LRIG1: variants seen among roughly 807,000 people sequenced by gnomAD.
The protein encoded by LRIG1 is leucine rich repeats and immunoglobulin like domains 1, also known as leucine-rich repeats and immunoglobulin-like domains protein 1.
LRIG1 carries 48 observed loss-of-function variants against 99.2 expected under a neutral mutation model. That is an observed-to-expected ratio of 0.48 (90% confidence interval 0.38 to 0.62). LRIG1 has a LOEUF of 0.62. Among genes scored for constraint, LRIG1 ranks in the 20% least tolerant of loss-of-function variants. The pLI is 0.00. For synonymous variants in LRIG1, 772 were observed against 596.1 expected (o/e 1.29, Z -4.30); for missense variants, 1,646 against 1,434.4 (o/e 1.15, Z -2.38).
At position 66,471,450 on chromosome 3, in the gene LRIG1, G is replaced by A. The variant is rs79642836; in HGVS notation, c.219-8941C>T. Among the ~76,000 whole-genome samples the A allele has an allele frequency of 8.5e-3, 1,294 of 152,280 alleles. 7 individuals carry two copies. Among genetic ancestry groups the A allele is most frequent in the African/African-American group, 0.03 (1,233 of 41,542 alleles). On this transcript the variant is annotated intron_variant, in intron 1 of 18. Coordinates refer to ENST00000273261, the MANE Select transcript of LRIG1 (RefSeq NM_015541.3). ...AGCCCAGTCATTCTGCAGAACAGAG[G>A]GGGGTTGGAACCTTGGAGCCAGGTG...
Position 66,414,354 on chromosome 3 carries a change from A to G in LRIG1, c.647+566T>C, listed in dbSNP as rs370718021. Among the ~76,000 whole-genome samples the G allele has an allele frequency of 6.9e-3, 1,045 of 152,160 alleles. 20 individuals carry two copies. Among genetic ancestry groups the G allele is most frequent in the South Asian group, 0.011 (55 of 4,824 alleles). The stretch of plus-strand genomic sequence containing the variant: ...GGAGCTTGCAGTGAGCTGAGATCAC[A>G]CCACTGCACCCCACCTGGGGGACAG... On this transcript the variant is annotated intron_variant, in intron 5 of 18. Transcript: ENST00000273261.
chr3:66,485,819 G>T (rs1203939915), intron 1 of LRIG1, among the ~76,000 whole-genome samples: 2 of 152,052 alleles, frequency 1.3e-5, no homozygotes, highest in Non-Finnish European at 2.9e-5. Flanking sequence ...TACCAACAAA[G>T]AAACACGCTC....
intron 4 of LRIG1, 111 bp downstream of exon 4, chr3:66,417,018 G>T: frequency 1.4e-6 from 2 of 1,431,268 alleles, no homozygotes; most frequent in Non-Finnish European, 9.6e-7. Context: ...CCCAGCCGTG[G>T]TTGAGAAGGG....
chr3:66,466,995 A>G (rs1205577894), intron 1 of LRIG1, among the ~76,000 whole-genome samples: 2 of 152,202 alleles, frequency 1.3e-5, no homozygotes, highest in Non-Finnish European at 2.9e-5. Context: ...TGAACAACTG[A>G]GCCCAGCAAT....
At chr3:66,460,938 G>C (rs1267339179) in intron 2 of LRIG1, among the ~76,000 whole-genome samples, 3 of 152,164 alleles carry the variant, frequency 2.0e-5, no homozygotes, top group Non-Finnish European at 4.4e-5. Flanking sequence ...TGAGGGTTTG[G>C]AATGCAAGTA....
At chr3:66,439,358 T>A (rs1236608420) in intron 3 of LRIG1, among the ~76,000 whole-genome samples, 1 of 152,224 alleles carries the variant, frequency 6.6e-6, no homozygotes, top group Non-Finnish European at 1.5e-5. Context: ...TGCAGAAAAG[T>A]CACATTCTAA....
At chr3:66,456,090 T>C (rs913799272) in intron 2 of LRIG1, among the ~76,000 whole-genome samples, 7 of 152,322 alleles carry the variant, frequency 4.6e-5, no homozygotes, top group African/African-American at 9.6e-5. Context: ...ATCAGACATA[T>C]CTTGGTTCAC....
rs758460443 is a variant in LRIG1, at chr3:66,406,452, C to A, written c.1079+896G>T. The A allele has an allele frequency of 2.8e-5, 28 of 983,064 alleles. 1 individual carries two copies. Among genetic ancestry groups the A allele is most frequent in the African/African-American group, 3.5e-5 (2 of 57,192 alleles). 60.9% of individuals were successfully genotyped at this position (983,064 alleles called of 1,614,324 possible). A position where few individuals can be genotyped will look rare whatever the true frequency, so the allele number is the denominator to read the frequency against. ...GGCTGACCTGGCCTGAATAGCTTGG[C>A]TCCGGCCTCTTTCACACTCCCTGGC... On this transcript the variant is annotated intron_variant, in intron 8 of 18. Coordinates refer to ENST00000273261, the MANE Select transcript of LRIG1 (RefSeq NM_015541.3).
intron 3 of LRIG1, among the ~76,000 whole-genome samples, chr3:66,427,909 C>G (rs1425943175): frequency 1.3e-5 from 2 of 152,118 alleles, no homozygotes; most frequent in East Asian, 3.9e-4. Flanking sequence ...TTTTATTTGG[C>G]TACTTCCACT....
At chr3:66,399,110 G>C in intron 9 of LRIG1, 69 bp from the exon 10 acceptor site, 1 of 1,216,276 alleles carries the variant, frequency 8.2e-7, no homozygotes, top group South Asian at 1.3e-5. Flanking sequence ...TTGAGAGAAA[G>C]AAAAAGAAAA....
chr3:66,405,402 G>T, intron 8 of LRIG1, 124 bp from the exon 9 acceptor site: 1 of 756,842 alleles, frequency 1.3e-6, no homozygotes, highest in Non-Finnish European at 2.3e-6. Flanking sequence ...GGCACAGCCG[G>T]GACGTAGGGT....
At chr3:66,478,046 A>G (rs538465091) in intron 1 of LRIG1, among the ~76,000 whole-genome samples, 44 of 152,320 alleles carry the variant, frequency 2.9e-4, no homozygotes, top group African/African-American at 1.0e-3. Context: ...CAACATCTAC[A>G]TAAGTCTTAT....
intron 3 of LRIG1, among the ~76,000 whole-genome samples, chr3:66,442,142 A>G (rs183690914): frequency 8.3e-4 from 126 of 152,346 alleles, no homozygotes; most frequent in Admixed American, 4.8e-3. Context: ...TGAGTCAACT[A>G]TTCTATCTTT....
In LRIG1 at chr3:66,472,303, C is replaced by CAAAAAAAAAAA. The variant is rs71105995; in HGVS notation, c.219-9805_219-9795dup. Among the ~76,000 whole-genome samples the CAAAAAAAAAAA allele has an allele frequency of 9.4e-5, 6 of 63,868 alleles. 1 individual carries two copies. The Admixed American group carries it at 1.0e-3, about 11-fold the overall frequency. The allele number at this position is 63,868 out of a possible 152,430, so 41.9% of individuals were successfully genotyped here. A position where few individuals can be genotyped will look rare whatever the true frequency, so the allele number is the denominator to read the frequency against. ...TGGGTGACAGAGCAAGACTCTGTCT[C>CAAAAAAAAAAA]AAAAAAAAAAAAAAAAAAAAAAAAA... On this transcript the variant is annotated intron_variant, in intron 1 of 18. Coordinates refer to ENST00000273261, the MANE Select transcript of LRIG1 (RefSeq NM_015541.3).
At chr3:66,422,163 A>G (rs759700372) in intron 3 of LRIG1, among the ~76,000 whole-genome samples, 12 of 152,186 alleles carry the variant, frequency 7.9e-5, no homozygotes, top group Admixed American at 1.3e-4. Flanking sequence ...CATCTCTGAC[A>G]TGCCCTGGAG....
intron 2 of LRIG1, among the ~76,000 whole-genome samples, chr3:66,459,027 A>AAG (rs1700296256): frequency 6.6e-6 from 1 of 151,976 alleles, no homozygotes; most frequent in East Asian, 1.9e-4. Flanking sequence ...AAAAAAAAAA[A>AAG]AAAGATAATG....
intron 1 of LRIG1, among the ~76,000 whole-genome samples, chr3:66,491,715 C>T (rs1023208365): frequency 1.2e-4 from 19 of 152,044 alleles, no homozygotes; most frequent in African/African-American, 4.6e-4. Context: ...AAATGATATG[C>T]CTTTGATTTA....
chr3:66,490,104 C>T (rs1701068952), intron 1 of LRIG1, among the ~76,000 whole-genome samples: 1 of 152,180 alleles, frequency 6.6e-6, no homozygotes, highest in Non-Finnish European at 1.5e-5. Flanking sequence ...ACCCAAAAAT[C>T]TCCATAGAAG....
intron 1 of LRIG1, among the ~76,000 whole-genome samples, chr3:66,477,947 G>T (rs1700761086): frequency 6.6e-6 from 1 of 152,118 alleles, no homozygotes; most frequent in African/African-American, 2.4e-5. Flanking sequence ...AACCTTGGGG[G>T]TATGAGTTAG....
Sources: allele counts gnomAD v4.1 joint callset (sites outside exome capture counted in the v4.1 genomes callset), GRCh38; gene constraint gnomAD v4.1.1; transcripts MANE v1.5; gene names NCBI Gene and HGNC (gene_info 2026-07-23, HGNC 2026-07-21).